CCDC178: variants seen among roughly 807,000 people sequenced by gnomAD.
The protein encoded by CCDC178 is coiled-coil domain containing 178, also known as coiled-coil domain-containing protein 178.
CCDC178 carries 126 observed loss-of-function variants against 117.4 expected under a neutral mutation model. The observed-to-expected ratio is 1.07, with a 90% CI of 0.93 to 1.24. The LOEUF is 1.24. CCDC178 is among the 50% of genes most tolerant of loss of function. CCDC178 has a pLI of 0.00. For synonymous variants in CCDC178, 283 were observed against 313.4 expected, an observed-to-expected ratio of 0.90 and a Z score of 1.02; for missense variants, 1,030 against 986.9, an observed-to-expected ratio of 1.04 and a Z score of -0.59.
At chr18:33,427,131 C>T (rs1156943026) in intron 2 of CCDC178, among the ~76,000 whole-genome samples, 2 of 151,892 alleles carry the variant, frequency 1.3e-5, no homozygotes, top group African/African-American at 4.8e-5. Flanking sequence ...TCATTCTTAA[C>T]AATTATTTTC....
At chr18:32,989,176 A>G (rs1164594951) in intron 21 of CCDC178, among the ~76,000 whole-genome samples, 2 of 152,222 alleles carry the variant, frequency 1.3e-5, no homozygotes, top group Non-Finnish European at 2.9e-5. Context: ...AAAAAGTATA[A>G]TTTAATTCTA....
intron 12 of CCDC178, among the ~76,000 whole-genome samples, chr18:33,272,451 T>G (rs1273715403): frequency 6.6e-6 from 1 of 151,646 alleles, no homozygotes; most frequent in Non-Finnish European, 1.5e-5. Context: ...ATTGCTTTAC[T>G]GGTGAATACT....
At chr18:33,077,032 TATGTAACACC>T (rs2057221034) in intron 21 of CCDC178, among the ~76,000 whole-genome samples, 1 of 152,366 alleles carries the variant, frequency 6.6e-6, no homozygotes, top group East Asian at 1.9e-4. Context: ...TACCATTTCC[TATGTAACACC>T]ATAAACTCTC....
chr18:33,199,793 T>G (rs935118358), intron 20 of CCDC178, among the ~76,000 whole-genome samples: 3 of 152,216 alleles, frequency 2.0e-5, no homozygotes, highest in Admixed American at 2.0e-4. Context: ...TCTGCAACCG[T>G]ATTCTGTTAA....
chr18:33,435,715 A>G (rs907585673), intron 2 of CCDC178, among the ~76,000 whole-genome samples: 2 of 150,696 alleles, frequency 1.3e-5, no homozygotes, highest in African/African-American at 4.8e-5. Context: ...TAATACAATA[A>G]TAATTAAGCT....
intron 21 of CCDC178, among the ~76,000 whole-genome samples, chr18:33,056,944 T>C: frequency 2.3e-5 from 1 of 44,072 alleles, no homozygotes; most frequent in Admixed American, 3.3e-4. Context: ...TGTTTATAAG[T>C]TTTTCCTTTT....
intron 22 of CCDC178, among the ~76,000 whole-genome samples, chr18:32,943,935 G>A (rs542741172): frequency 2.0e-5 from 3 of 152,278 alleles, no homozygotes; most frequent in African/African-American, 7.2e-5. Flanking sequence ...TTCAAACCTT[G>A]TATGGACATT....
chr18:33,127,669 C>T (rs2058024298), intron 20 of CCDC178, among the ~76,000 whole-genome samples: 1 of 152,048 alleles, frequency 6.6e-6, no homozygotes, highest in African/African-American at 2.4e-5. Flanking sequence ...CTCCTGATCT[C>T]GTAATCCACC....
chr18:32,980,529 C>A (rs1419589900), intron 21 of CCDC178, among the ~76,000 whole-genome samples: 4 of 145,632 alleles, frequency 2.7e-5, no homozygotes, highest in Non-Finnish European at 6.0e-5. Context: ...GGAGATCGCG[C>A]CACAGCACTC....
intron 21 of CCDC178, among the ~76,000 whole-genome samples, chr18:33,005,815 G>T (rs554587368): frequency 6.6e-6 from 1 of 152,084 alleles, no homozygotes; most frequent in East Asian, 1.9e-4. Context: ...TGTACACAAA[G>T]AAAGTAATGA....
intron 16 of CCDC178, 128 bp downstream of exon 16, chr18:33,226,665 C>T: frequency 1.8e-6 from 1 of 554,064 alleles, no homozygotes; most frequent in Non-Finnish European, 3.2e-6. Flanking sequence ...CTGCCATCAG[C>T]TAAGGAGAGA....
At chr18:32,975,929 A>G (rs958366505) in intron 21 of CCDC178, among the ~76,000 whole-genome samples, 66 of 152,272 alleles carry the variant, frequency 4.3e-4, no homozygotes, top group African/African-American at 1.6e-3. Flanking sequence ...CAATAAAACA[A>G]TTCACTTAAC....
At chr18:32,990,527 G>T (rs947121737) in intron 21 of CCDC178, among the ~76,000 whole-genome samples, 1 of 152,012 alleles carries the variant, frequency 6.6e-6, no homozygotes, top group African/African-American at 2.4e-5. Context: ...TTTGACAATT[G>T]ATTCTGAATG....
At chr18:33,045,189 TA>T (rs995716982) in intron 21 of CCDC178, among the ~76,000 whole-genome samples, 4 of 152,066 alleles carry the variant, frequency 2.6e-5, no homozygotes, top group Admixed American at 1.3e-4. Flanking sequence ...TGTAAAAAGA[TA>T]AAAAAGTCAA....
chr18:33,438,965 GT>G (rs2064335101), intron 2 of CCDC178, among the ~76,000 whole-genome samples: 1 of 152,170 alleles, frequency 6.6e-6, no homozygotes, highest in South Asian at 2.1e-4. Flanking sequence ...CCTGTTTTGT[GT>G]GTAATTGTTT....
chr18:33,159,490 C>G (rs569750078), intron 20 of CCDC178, among the ~76,000 whole-genome samples: 29 of 152,176 alleles, frequency 1.9e-4, no homozygotes, highest in Admixed American at 7.9e-4. Flanking sequence ...TCTGGAGGCT[C>G]CAGGAAAAGA....
chr18:33,356,297 G>C, intron 7 of CCDC178, 27 bp downstream of exon 7: 2 of 1,463,456 alleles, frequency 1.4e-6, no homozygotes, highest in Non-Finnish European at 1.8e-6. Flanking sequence ...AAATAAAATA[G>C]TTTTAAAAAG....
At chr18:33,198,796 C>A (rs546150828) in intron 20 of CCDC178, among the ~76,000 whole-genome samples, 1 of 152,060 alleles carries the variant, frequency 6.6e-6, no homozygotes, top group Non-Finnish European at 1.5e-5. Flanking sequence ...ATAAAAGAAA[C>A]GGTGGCAATG....
intron 12 of CCDC178, among the ~76,000 whole-genome samples, chr18:33,285,780 A>G (rs562188130): frequency 2.0e-5 from 3 of 152,192 alleles, no homozygotes; most frequent in Non-Finnish European, 4.4e-5. Context: ...TAATCAGAGT[A>G]TATTTTTAAA....
Sources: gnomAD v4.1 joint callset for allele counts (sites outside exome capture counted in the v4.1 genomes callset) on GRCh38, gnomAD v4.1.1 for gene constraint, MANE v1.5 for transcripts, NCBI Gene and HGNC (gene_info 2026-07-23, HGNC 2026-07-21) for gene names.